Variants in CACNA2D3 observed in about 807,000 individuals in gnomAD.
CACNA2D3 encodes the protein calcium voltage-gated channel auxiliary subunit alpha2delta 3, also known as voltage-dependent calcium channel subunit alpha-2/delta-3.
In CACNA2D3, 60 loss-of-function variants were observed where a neutral mutation model predicts 160.6. The observed-to-expected ratio is 0.37, with a 90% confidence interval of 0.30 to 0.46. The LOEUF is 0.46. CACNA2D3 is among the 20% of genes least tolerant of loss of function. CACNA2D3 has a pLI of 1.00. For missense variants in CACNA2D3, 1,205 were observed against 1,365.0 expected (o/e 0.88, Z 1.85); for synonymous variants, 558 against 492.9 (o/e 1.13, Z -1.75).
intron 9 of CACNA2D3, among the ~76,000 whole-genome samples, chr3:54,591,120 G>T (rs138861629): frequency 9.2e-5 from 14 of 152,234 alleles, no homozygotes; most frequent in African/African-American, 2.6e-4. Flanking sequence ...TGTTCATTTA[G>T]GACTTACTTA....
intron 2 of CACNA2D3, among the ~76,000 whole-genome samples, chr3:54,293,075 A>G (rs1703248164): frequency 1.3e-5 from 2 of 152,260 alleles, no homozygotes; most frequent in Non-Finnish European, 2.9e-5. Context: ...ATCAGACACA[A>G]AAGGACAAAC....
At chr3:54,416,599 A>G (rs879635266) in intron 4 of CACNA2D3, among the ~76,000 whole-genome samples, 1 of 152,216 alleles carries the variant, frequency 6.6e-6, no homozygotes, top group Non-Finnish European at 1.5e-5. Flanking sequence ...TTTAAAAAAT[A>G]CTTATAGCTT....
At chr3:54,522,840 A>G (rs1245503945) in intron 5 of CACNA2D3, among the ~76,000 whole-genome samples, 2 of 152,190 alleles carry the variant, frequency 1.3e-5, no homozygotes, top group Non-Finnish European at 2.9e-5. Flanking sequence ...TCATCTCTCA[A>G]CACTGTTGTA....
chr3:54,615,195 A>C (rs184592196), intron 9 of CACNA2D3, among the ~76,000 whole-genome samples: 137 of 152,364 alleles, frequency 9.0e-4, no homozygotes, highest in African/African-American at 2.8e-3. Flanking sequence ...CTTCTGATGA[A>C]TTAATGAATC....
At chr3:54,861,633 A>AG (rs1699293326) in intron 17 of CACNA2D3, among the ~76,000 whole-genome samples, 1 of 152,258 alleles carries the variant, frequency 6.6e-6, no homozygotes, top group African/African-American at 2.4e-5. Context: ...GAGACCGCTT[A>AG]GGGGATGCCT....
At chr3:54,689,403 T>G (rs1294895568) in intron 11 of CACNA2D3, among the ~76,000 whole-genome samples, 1 of 152,156 alleles carries the variant, frequency 6.6e-6, no homozygotes, top group African/African-American at 2.4e-5. Flanking sequence ...TCCATCTACA[T>G]GTTGACAGCC....
chr3:54,453,087 GC>G (rs2106821869), intron 4 of CACNA2D3, among the ~76,000 whole-genome samples: 1 of 152,078 alleles, frequency 6.6e-6, no homozygotes, highest in African/African-American at 2.4e-5. Flanking sequence ...AGCCTCCTGG[GC>G]TTAAGCAGTC....
intron 4 of CACNA2D3, among the ~76,000 whole-genome samples, chr3:54,467,507 G>C (rs554065783): frequency 6.6e-6 from 1 of 152,216 alleles, no homozygotes; most frequent in Non-Finnish European, 1.5e-5. Context: ...CTTAGGGCAA[G>C]TTGCCTCGCC....
chr3:54,420,310 C>G (rs1462959047), intron 4 of CACNA2D3, among the ~76,000 whole-genome samples: 1 of 151,692 alleles, frequency 6.6e-6, no homozygotes, highest in Non-Finnish European at 1.5e-5. Flanking sequence ...GTCCCGATCT[C>G]TTTACCTCGT....
At chr3:54,287,515 A>G (rs1703064886) in intron 2 of CACNA2D3, among the ~76,000 whole-genome samples, 1 of 149,828 alleles carries the variant, frequency 6.7e-6, no homozygotes. Flanking sequence ...TAGACAGATC[A>G]ACGAGACAGA....
intron 27 of CACNA2D3, among the ~76,000 whole-genome samples, chr3:54,930,922 C>T (rs1462519487): frequency 1.3e-5 from 2 of 152,108 alleles, no homozygotes; most frequent in Admixed American, 6.5e-5. Flanking sequence ...CAAGGTGAAA[C>T]CCCATCTCTA....
At chr3:54,635,465 A>T (rs2106832012) in intron 10 of CACNA2D3, among the ~76,000 whole-genome samples, 1 of 152,082 alleles carries the variant, frequency 6.6e-6, no homozygotes, top group East Asian at 1.9e-4. Flanking sequence ...GGAAAATAGG[A>T]GTATGACTAG....
chr3:55,037,886 G>T (rs1416089481), intron 35 of CACNA2D3, among the ~76,000 whole-genome samples: 5 of 152,152 alleles, frequency 3.3e-5, no homozygotes, highest in Non-Finnish European at 5.9e-5. Context: ...ATTTATGCAG[G>T]TTTCTGCTCC....
chr3:54,726,849 C>T (rs946081063), intron 11 of CACNA2D3, among the ~76,000 whole-genome samples: 20 of 152,176 alleles, frequency 1.3e-4, no homozygotes, highest in African/African-American at 4.6e-4. Flanking sequence ...AGGACATAGA[C>T]ATGGGCAAAG....
At chr3:54,814,494 G>C (rs1703405872) in intron 13 of CACNA2D3, among the ~76,000 whole-genome samples, 1 of 152,244 alleles carries the variant, frequency 6.6e-6, no homozygotes, top group South Asian at 2.1e-4. Context: ...CCAGCTCCCA[G>C]CAGCAGCATC....
intron 35 of CACNA2D3, among the ~76,000 whole-genome samples, chr3:55,025,446 A>G (rs557843613): frequency 7.9e-5 from 12 of 152,014 alleles, no homozygotes; most frequent in Non-Finnish European, 1.8e-4. Context: ...AGCCTGGCCA[A>G]TATGGTGAAA....
intron 4 of CACNA2D3, among the ~76,000 whole-genome samples, chr3:54,401,277 T>G (rs1403797811): frequency 2.0e-5 from 3 of 152,120 alleles, no homozygotes; most frequent in African/African-American, 7.2e-5. Flanking sequence ...AGATTCATAT[T>G]AGGAGAATTG....
intron 10 of CACNA2D3, among the ~76,000 whole-genome samples, chr3:54,631,863 T>G (rs561599638): frequency 1.3e-5 from 2 of 152,352 alleles, no homozygotes; most frequent in South Asian, 4.1e-4. Context: ...TGGCGATGAA[T>G]GTGATCTTTG....
intron 3 of CACNA2D3, among the ~76,000 whole-genome samples, chr3:54,322,982 G>C (rs527761415): frequency 6.6e-6 from 1 of 152,202 alleles, no homozygotes; most frequent in African/African-American, 2.4e-5. Flanking sequence ...CTGTAATTAC[G>C]CTTGATGCTC....
Sources: allele counts gnomAD v4.1 joint callset (sites outside exome capture counted in the v4.1 genomes callset), GRCh38; gene constraint gnomAD v4.1.1; transcripts MANE v1.5; gene names NCBI Gene and HGNC (gene_info 2026-07-23, HGNC 2026-07-21).